AGBL4: variants seen among roughly 807,000 people sequenced by gnomAD.
AGBL4 encodes cytosolic carboxypeptidase 6.
Under a neutral mutation model 66.4 loss-of-function variants are expected in AGBL4, and 58 were observed. The ratio of observed to expected loss-of-function variants is 0.87; its 90% CI spans 0.71 to 1.09. AGBL4 has a LOEUF of 1.09. AGBL4 is among the 50% of genes least tolerant of loss of function. AGBL4 has a pLI of 0.00. For synonymous variants in AGBL4, 234 were observed against 222.9 expected, an observed-to-expected ratio of 1.05 and a Z score of -0.44; for missense variants, 579 against 631.0, an observed-to-expected ratio of 0.92 and a Z score of 0.88.
intron 5 of AGBL4, among the ~76,000 whole-genome samples, chr1:48,964,396 A>G (rs1658251380): frequency 6.6e-6 from 1 of 152,188 alleles, no homozygotes; most frequent in East Asian, 1.9e-4. Context: ...TCATAGTTAT[A>G]CCTTTAACAA....
intron 5 of AGBL4, among the ~76,000 whole-genome samples, chr1:49,023,716 C>T (rs925250144): frequency 6.6e-6 from 1 of 152,114 alleles, no homozygotes; most frequent in African/African-American, 2.4e-5. Flanking sequence ...ACTTATCCAT[C>T]GCCATTAACT....
intron 4 of AGBL4, among the ~76,000 whole-genome samples, chr1:49,097,575 C>T (rs1461624597): frequency 1.3e-5 from 2 of 152,200 alleles, no homozygotes; most frequent in African/African-American, 4.8e-5. Context: ...AAGACTTTGG[C>T]TCTAGACAAT....
intron 6 of AGBL4, among the ~76,000 whole-genome samples, chr1:48,831,547 A>G (rs1558025383): frequency 6.6e-6 from 1 of 152,160 alleles, no homozygotes; most frequent in Non-Finnish European, 1.5e-5. Flanking sequence ...TGTAACATTT[A>G]GTTTTTTGCA....
At chr1:50,000,076 C>G (rs929913440) in intron 1 of AGBL4, among the ~76,000 whole-genome samples, 3 of 152,078 alleles carry the variant, frequency 2.0e-5, no homozygotes, top group African/African-American at 7.2e-5. Flanking sequence ...AATAGAAGGA[C>G]TTAATGAAAC....
intron 4 of AGBL4, among the ~76,000 whole-genome samples, chr1:49,077,934 C>T (rs1182621847): frequency 2.6e-5 from 4 of 152,066 alleles, no homozygotes; most frequent in Non-Finnish European, 5.9e-5. Flanking sequence ...TAAGGGCTTA[C>T]TATATAACAG....
intron 3 of AGBL4, among the ~76,000 whole-genome samples, chr1:49,589,627 A>G (rs189857768): frequency 6.7e-4 from 102 of 152,270 alleles, no homozygotes; most frequent in Middle Eastern, 3.4e-3. Context: ...ATAATATTTC[A>G]TATAATCAAA....
chr1:48,687,923 C>T (rs1398702194), intron 6 of AGBL4, among the ~76,000 whole-genome samples: 1 of 152,236 alleles, frequency 6.6e-6, no homozygotes, highest in East Asian at 1.9e-4. Context: ...AACAGCTGCT[C>T]CTCCTCCAGC....
chr1:49,656,084 T>A (rs1436598380), intron 3 of AGBL4, among the ~76,000 whole-genome samples: 1 of 151,524 alleles, frequency 6.6e-6, no homozygotes, highest in Non-Finnish European at 1.5e-5. Flanking sequence ...GAGGCGGAGG[T>A]TGCAGTGAGC....
chr1:49,287,329 A>C (rs1644436821), intron 3 of AGBL4, among the ~76,000 whole-genome samples: 2 of 146,794 alleles, frequency 1.4e-5, no homozygotes, highest in Admixed American at 1.4e-4. Context: ...CAAAACACCA[A>C]AAGCAATGGC....
rs573549605 is a variant in AGBL4 at position 49,668,673 on chromosome 1, G to T, written c.282+28640C>A. ...TAACGAAGGAAAGAGCACCAAAATG[G>T]CTCTGCTATGAAAATCAGATGCTTT... On this transcript the variant is annotated intron_variant, in intron 3 of 13. Transcript: ENST00000371839. Among the ~76,000 whole-genome samples, 45 of 152,234 alleles carry T rather than the reference G, an allele frequency of 3.0e-4. No individual in the cohort carries two copies. In the South Asian group the frequency reaches 6.6e-3, roughly 22 times the overall value.
intron 8 of AGBL4, among the ~76,000 whole-genome samples, chr1:48,641,021 GT>G (rs1645746771): frequency 6.6e-6 from 1 of 152,100 alleles, no homozygotes; most frequent in African/African-American, 2.4e-5. Context: ...CCTGAGCACC[GT>G]GAGGCTGCTC....
chr1:48,788,000 C>T (rs762993218), intron 6 of AGBL4, among the ~76,000 whole-genome samples: 2 of 152,174 alleles, frequency 1.3e-5, no homozygotes, highest in Non-Finnish European at 2.9e-5. Context: ...CAGCATGTCA[C>T]GAGAGGTATA....
intron 3 of AGBL4, among the ~76,000 whole-genome samples, chr1:49,562,328 C>G (rs1236552716): frequency 6.6e-6 from 1 of 152,128 alleles, no homozygotes; most frequent in Non-Finnish European, 1.5e-5. Flanking sequence ...TCCCATTTGT[C>G]AATTTTGGCT....
At position 48,538,856 on chromosome 1, in the gene AGBL4, C is replaced by T. The variant is rs180849229; in HGVS notation, c.1364+786G>A. Among the ~76,000 whole-genome samples, 6 of 152,218 alleles carry T rather than the reference C, an allele frequency of 3.9e-5. No individual in the cohort carries two copies. The East Asian group carries it at 7.7e-4, about 20-fold the overall frequency. On this transcript the variant is annotated intron_variant, in intron 12 of 13. Coordinates refer to ENST00000371839, the MANE Select transcript of AGBL4 (RefSeq NM_032785.4). ...GTGGAAAGAATGGTCTGGCAGGAGC[C>T]GGGAGTTGGGCATTGTCATGTCCTT...
intron 6 of AGBL4, among the ~76,000 whole-genome samples, chr1:48,750,682 C>T (rs1399298343): frequency 6.6e-6 from 1 of 152,210 alleles, no homozygotes; most frequent in Non-Finnish European, 1.5e-5. Flanking sequence ...GTTCCCTGCA[C>T]AAAAACATTT....
chr1:49,821,775 T>A (rs1021035358), intron 2 of AGBL4, among the ~76,000 whole-genome samples: 1 of 152,202 alleles, frequency 6.6e-6, no homozygotes, highest in African/African-American at 2.4e-5. Flanking sequence ...AATGATAGAT[T>A]TTCCATTTAT....
rs564466624 is a variant in AGBL4 at position 48,789,510 on chromosome 1, T to G, written c.634+77681A>C. Reference sequence around the variant, plus strand: ...TTCACCATGTTAGCCAGGATGGTCTTGATCTCCTGACCTTGTGATCCTACC... The same window carrying G: ...TTCACCATGTTAGCCAGGATGGTCTGGATCTCCTGACCTTGTGATCCTACC... On this transcript the variant is annotated intron_variant, in intron 6 of 13. Coordinates refer to ENST00000371839, the MANE Select transcript of AGBL4 (RefSeq NM_032785.4). Among the ~76,000 whole-genome samples, 5 of 152,132 alleles carry G rather than the reference T, an allele frequency of 3.3e-5. No individual in the cohort carries two copies. The South Asian group carries it at 1.0e-3, about 32-fold the overall frequency.
chr1:48,684,055 C>T (rs1020358923), intron 6 of AGBL4, among the ~76,000 whole-genome samples: 2 of 152,170 alleles, frequency 1.3e-5, no homozygotes, highest in African/African-American at 4.8e-5. Context: ...TAGGCCACTG[C>T]GTATACAGTC....
chr1:48,818,607 T>C (rs1180517035), intron 6 of AGBL4, among the ~76,000 whole-genome samples: 1 of 152,230 alleles, frequency 6.6e-6, no homozygotes, highest in Non-Finnish European at 1.5e-5. Context: ...ACCAAACAGT[T>C]ATTTACTTAC....
Sources: gnomAD v4.1 joint callset for allele counts (sites outside exome capture counted in the v4.1 genomes callset) on GRCh38, gnomAD v4.1.1 for gene constraint, MANE v1.5 for transcripts, NCBI Gene and HGNC (gene_info 2026-07-23, HGNC 2026-07-21) for gene names.